The following ADARB2 variants were observed in gnomAD, a reference collection of about 807,000 sequenced individuals.
The protein encoded by ADARB2 is inactive double-stranded RNA-specific editase B2.
A neutral mutation model predicts 62.2 loss-of-function variants in ADARB2; 25 were observed. That is an observed-to-expected ratio of 0.40 (90% CI 0.29 to 0.56). The LOEUF is 0.56. Among genes scored for constraint, ADARB2 ranks in the 20% least tolerant of loss-of-function variants. The probability of loss-of-function intolerance (pLI) is 0.43; values close to 1 mark genes in which losing one functional copy is unlikely to be tolerated. For synonymous variants in ADARB2, 572 were observed against 500.8 expected (o/e 1.14, Z -1.90); for missense variants, 1,071 against 1,077.4 (o/e 0.99, Z 0.08).
At chr10:1,613,545 G>C (rs752660342) in intron 1 of ADARB2, among the ~76,000 whole-genome samples, 2 of 152,160 alleles carry the variant, frequency 1.3e-5, no homozygotes, top group Non-Finnish European at 2.9e-5. Context: ...AACAAAAGGA[G>C]TATACAGCAG....
At chr10:1,337,658 C>T (rs960764376) in intron 3 of ADARB2, among the ~76,000 whole-genome samples, 1 of 152,084 alleles carries the variant, frequency 6.6e-6, no homozygotes, top group Non-Finnish European at 1.5e-5. Flanking sequence ...CAACTTTACC[C>T]TGGGGCTGGA....
In ADARB2 at chr10:1,477,598, C is replaced by T. The variant is rs550559886; in HGVS notation, c.101-98438G>A. On this transcript the variant is annotated intron_variant, in intron 1 of 9. Coordinates refer to ENST00000381312, the MANE Select transcript of ADARB2 (RefSeq NM_018702.4). This position sits in a 1 kb window ranked among gnomAD's most constrained non-coding sequence, Gnocchi z 4.5. ...CCCAGCCATTGCACCCACAACAACA[C>T]GGTGATGTGCCAGAAGCAATGAAAA... 7.9e-5 allele frequency among the ~76,000 whole-genome samples: 12 copies of T among 152,288 alleles called. 1 individual carries two copies. In the South Asian group the frequency reaches 1.0e-3, roughly 13 times the overall value.
intron 8 of ADARB2, 46 bp from the exon 9 acceptor site, chr10:1,185,085 A>C (rs1283985439): frequency 6.3e-7 from 1 of 1,579,564 alleles, no homozygotes; most frequent in African/African-American, 1.3e-5. Context: ...TCCTGGCCTC[A>C]CACGGGGCTC....
chr10:1,687,753 G>T (rs1038697315), intron 1 of ADARB2, among the ~76,000 whole-genome samples: 6 of 152,102 alleles, frequency 3.9e-5, no homozygotes, highest in Admixed American at 3.9e-4. Flanking sequence ...TTGTGATGAG[G>T]ATTCAGGGCC....
intron 4 of ADARB2, among the ~76,000 whole-genome samples, chr10:1,252,174 C>T (rs1831042947): frequency 6.6e-6 from 1 of 152,158 alleles, no homozygotes. Context: ...TATACTGTAT[C>T]TGGTTTTGGA....
chr10:1,449,351 T>A (rs1214351749), intron 1 of ADARB2, among the ~76,000 whole-genome samples: 3 of 152,186 alleles, frequency 2.0e-5, no homozygotes, highest in Admixed American at 2.0e-4. Flanking sequence ...CCATCCTGTA[T>A]CAGCCTATAT....
chr10:1,457,147 C>G (rs1831105212), intron 1 of ADARB2, among the ~76,000 whole-genome samples: 2 of 152,238 alleles, frequency 1.3e-5, no homozygotes, highest in Non-Finnish European at 2.9e-5. Flanking sequence ...TTTGCCTGAA[C>G]AAAATAAAAC....
chr10:1,730,239 C>G (rs993732462), intron 1 of ADARB2, among the ~76,000 whole-genome samples: 1 of 152,164 alleles, frequency 6.6e-6, no homozygotes, highest in Non-Finnish European at 1.5e-5. Context: ...GTTAAAAAGA[C>G]GTGCAGTGAT....
intron 1 of ADARB2, among the ~76,000 whole-genome samples, chr10:1,735,651 G>A (rs1465564715): frequency 6.6e-6 from 1 of 152,168 alleles, no homozygotes; most frequent in Non-Finnish European, 1.5e-5. Flanking sequence ...GTTTCAAAAT[G>A]ATAATTTCAA....
intron 1 of ADARB2, among the ~76,000 whole-genome samples, chr10:1,533,117 ACC>A (rs1454929991): frequency 1.3e-5 from 1 of 79,742 alleles, no homozygotes; most frequent in African/African-American, 4.1e-5. Context: ...TGTAAACATC[ACC>A]TTTTTTTTTT....
chr10:1,318,839 C>A (rs2131826600), intron 3 of ADARB2, among the ~76,000 whole-genome samples: 1 of 152,294 alleles, frequency 6.6e-6, no homozygotes, highest in South Asian at 2.1e-4. Context: ...TCAGATCACA[C>A]CCCACAAATT....
rs1831073923 is a variant in ADARB2 at position 1,255,715 on chromosome 10, A to G, written c.1193-13416T>C. On this transcript the variant is annotated intron_variant, in intron 4 of 9. Coordinates refer to ENST00000381312, the MANE Select transcript of ADARB2 (RefSeq NM_018702.4). This position sits in a 1 kb window ranked among gnomAD's most constrained non-coding sequence, Gnocchi z 4.7. ...AGTGACCTTTCTGTGGGCCTTGGGC[A>G]GGGAGCTGGCTGCATGGTTCGCTAG... 6.6e-6 allele frequency among the ~76,000 whole-genome samples: 1 copy of G among 152,232 alleles called. No homozygotes were observed. Among genetic ancestry groups the G allele is most frequent in the African/African-American group, 2.4e-5 (1 of 41,466 alleles).
chr10:1,648,948 A>G (rs967223703), intron 1 of ADARB2, among the ~76,000 whole-genome samples: 4 of 152,238 alleles, frequency 2.6e-5, no homozygotes, highest in Admixed American at 6.5e-5. Context: ...TAGGTGGAGC[A>G]GGACCTACTC....
intron 3 of ADARB2, among the ~76,000 whole-genome samples, chr10:1,289,363 C>T (rs1467826508): frequency 6.6e-6 from 1 of 152,230 alleles, no homozygotes; most frequent in Non-Finnish European, 1.5e-5. Flanking sequence ...GCGTCAGGAC[C>T]TCCTGAGGCT....
At chr10:1,640,290 G>T (rs1001423668) in intron 1 of ADARB2, among the ~76,000 whole-genome samples, 1 of 152,156 alleles carries the variant, frequency 6.6e-6, no homozygotes, top group Non-Finnish European at 1.5e-5. Context: ...CCTTCTGAAC[G>T]CCTGCTTCTT....
intron 1 of ADARB2, among the ~76,000 whole-genome samples, chr10:1,516,718 G>A (rs1238475095): frequency 6.6e-6 from 1 of 152,204 alleles, no homozygotes; most frequent in Non-Finnish European, 1.5e-5. Flanking sequence ...CGGAGGCCCC[G>A]TGCACCCTTC....
chr10:1,298,585 CTCT>C (rs2131815892), intron 3 of ADARB2, among the ~76,000 whole-genome samples: 1 of 152,218 alleles, frequency 6.6e-6, no homozygotes, highest in African/African-American at 2.4e-5. Flanking sequence ...AAGGAAGGGC[CTCT>C]TTTTTGGAAG....
intron 1 of ADARB2, among the ~76,000 whole-genome samples, chr10:1,409,797 G>A (rs929495831): frequency 3.1e-5 from 4 of 128,150 alleles, no homozygotes; most frequent in African/African-American, 1.1e-4. Context: ...AGGCCTGGCC[G>A]TGGTCATAGG....
intron 1 of ADARB2, among the ~76,000 whole-genome samples, chr10:1,429,579 C>T (rs1830758501): frequency 6.6e-6 from 1 of 152,192 alleles, no homozygotes; most frequent in East Asian, 1.9e-4. Flanking sequence ...ACACATGAAG[C>T]CTGTCTTTCC....
Sources: allele counts gnomAD v4.1 joint callset (sites outside exome capture counted in the v4.1 genomes callset), GRCh38; gene constraint gnomAD v4.1.1; non-coding constraint Gnocchi (gnomAD v3.1); transcripts MANE v1.5; gene names NCBI Gene and HGNC (gene_info 2026-07-23, HGNC 2026-07-21).